Variants in SERGEF observed in about 807,000 individuals in gnomAD.
The protein encoded by SERGEF is secretion regulating guanine nucleotide exchange factor, also known as secretion-regulating guanine nucleotide exchange factor.
Under a neutral mutation model 50.0 loss-of-function variants are expected in SERGEF, and 51 were observed. The observed-to-expected ratio is 1.02, with a 90% confidence interval of 0.81 to 1.29. The LOEUF (loss-of-function observed/expected upper bound fraction) is 1.29. Ranked by LOEUF, SERGEF falls within the 50% of genes most tolerant of loss-of-function variation. The pLI, the probability that SERGEF is intolerant of heterozygous loss-of-function variation, is 0.00. For missense variants in SERGEF, 521 were observed against 557.0 expected (o/e 0.94, Z 0.65); for synonymous variants, 205 against 212.4 (o/e 0.97, Z 0.30).
At position 17,863,897 on chromosome 11, in the gene SERGEF, T is replaced by C. The variant is rs537409627; in HGVS notation, c.1048+14311A>G. Among the ~76,000 whole-genome samples the C allele has an allele frequency of 7.2e-5, 11 of 152,374 alleles. No individual in the cohort carries two copies. In the East Asian group the frequency reaches 2.1e-3, roughly 29 times the overall value. On this transcript the variant is annotated intron_variant, in intron 10 of 10. Transcript: ENST00000265965. ...TAGATGGTCTGAGTCTATGAAGATG[T>C]TAAACACAGTTTGTGGACATGAAGA...
intron 9 of SERGEF, among the ~76,000 whole-genome samples, chr11:17,934,293 C>T (rs574233026): frequency 1.4e-4 from 22 of 152,230 alleles, no homozygotes; most frequent in African/African-American, 4.8e-4. Context: ...CTTGCAATCG[C>T]TCTCAATTAT....
At chr11:17,986,455 C>CA (rs1342551777) in intron 8 of SERGEF, among the ~76,000 whole-genome samples, 1 of 152,064 alleles carries the variant, frequency 6.6e-6, no homozygotes, top group Non-Finnish European at 1.5e-5. Flanking sequence ...GAAACGTTAC[C>CA]AAAAAATCAT....
At chr11:17,866,252 G>A (rs1851020680) in intron 10 of SERGEF, among the ~76,000 whole-genome samples, 1 of 152,136 alleles carries the variant, frequency 6.6e-6, no homozygotes. Flanking sequence ...ATGCCTTACG[G>A]CTGCTCTGGT....
chr11:17,907,149 G>A (rs1851861665), intron 9 of SERGEF, among the ~76,000 whole-genome samples: 1 of 124,188 alleles, frequency 8.1e-6, no homozygotes, highest in Non-Finnish European at 1.6e-5. Flanking sequence ...CTGTCAAACT[G>A]TCAAACTTAT....
chr11:17,857,976 C>A (rs1850854911), intron 10 of SERGEF, among the ~76,000 whole-genome samples: 1 of 152,062 alleles, frequency 6.6e-6, no homozygotes, highest in Non-Finnish European at 1.5e-5. Context: ...CAGATGAATA[C>A]CACAGATGAA....
chr11:17,889,282 A>G (rs1851488810), intron 9 of SERGEF, among the ~76,000 whole-genome samples: 1 of 152,218 alleles, frequency 6.6e-6, no homozygotes, highest in African/African-American at 2.4e-5. Flanking sequence ...GCCTTATAGC[A>G]GAGAAAGGAG....
intron 4 of SERGEF, chr11:18,000,769 T>C (rs762993537): frequency 2.9e-6 from 2 of 679,578 alleles, no homozygotes; most frequent in Non-Finnish European, 5.5e-6. Flanking sequence ...CACAATACCA[T>C]ATGACAACAA....
chr11:17,854,042 G>C (rs1407950723), intron 10 of SERGEF: 2 of 132,630 alleles, frequency 1.5e-5, no homozygotes, highest in African/African-American at 5.6e-5. Flanking sequence ...AAAAAAAAAA[G>C]GACCAGGAAA....
intron 10 of SERGEF, among the ~76,000 whole-genome samples, chr11:17,830,672 G>GAGAGAGAGAGAGAGAGAGAC (rs1850288906): frequency 6.9e-6 from 1 of 144,884 alleles, no homozygotes; most frequent in African/African-American, 2.6e-5. Context: ...GAGAGAGAGA[G>GAGAGAGAGAGAGAGAGAGAC]AGAGAGAGAG....
Position 17,901,435 on chromosome 11 carries a change from C to T in SERGEF, c.1012-23191G>A, listed in dbSNP as rs754256573. Among the ~76,000 whole-genome samples the T allele has an allele frequency of 6.6e-5, 10 of 152,212 alleles. No individual in the cohort carries two copies. The South Asian group carries it at 8.3e-4, about 13-fold the overall frequency. ...ACAAACCACGAATCCTTTAGCTAGA[C>T]GTTTAAGTGTTCATCAATGAACAGG... On this transcript the variant is annotated intron_variant, in intron 9 of 10. Coordinates refer to ENST00000265965, the MANE Select transcript of SERGEF (RefSeq NM_012139.4).
chr11:18,011,942 T>C (rs1238138107), intron 1 of SERGEF, among the ~76,000 whole-genome samples: 1 of 152,186 alleles, frequency 6.6e-6, no homozygotes, highest in Non-Finnish European at 1.5e-5. Flanking sequence ...TCTTTAAAAA[T>C]TGGACAACTA....
chr11:17,795,254 G>A (rs1390093605), intron 10 of SERGEF, among the ~76,000 whole-genome samples: 5 of 152,170 alleles, frequency 3.3e-5, no homozygotes, highest in African/African-American at 1.2e-4. Context: ...AGCCACCCAA[G>A]CTCATAGGGA....
At chr11:17,880,280 A>G (rs1851312709) in intron 9 of SERGEF, among the ~76,000 whole-genome samples, 1 of 152,300 alleles carries the variant, frequency 6.6e-6, no homozygotes, top group East Asian at 1.9e-4. Context: ...TCAGGACCAT[A>G]TATGCAGCAC....
intron 9 of SERGEF, among the ~76,000 whole-genome samples, chr11:17,896,507 G>T (rs1003678118): frequency 2.7e-5 from 4 of 148,258 alleles, no homozygotes; most frequent in Non-Finnish European, 4.4e-5. Flanking sequence ...GGAAAAAAAT[G>T]AGTGTTTTCA....
intron 8 of SERGEF, among the ~76,000 whole-genome samples, chr11:17,979,410 A>C (rs1221463861): frequency 6.6e-6 from 1 of 152,204 alleles, no homozygotes; most frequent in African/African-American, 2.4e-5. Flanking sequence ...AGGGTCTTCC[A>C]TAAACCAGGC....
intron 9 of SERGEF, among the ~76,000 whole-genome samples, chr11:17,955,503 C>G (rs2133967763): frequency 6.6e-6 from 1 of 152,292 alleles, no homozygotes; most frequent in Non-Finnish European, 1.5e-5. Context: ...GGACAGCACA[C>G]AAACAGCCAG....
intron 4 of SERGEF, 87 bp downstream of exon 4, chr11:18,004,354 A>T (rs1421612963): frequency 2.1e-6 from 2 of 947,166 alleles, no homozygotes; most frequent in East Asian, 5.4e-5. Context: ...AGGGATCCTG[A>T]CAGCCTTTTA....
intron 9 of SERGEF, among the ~76,000 whole-genome samples, chr11:17,891,841 A>T (rs1381416394): frequency 6.6e-6 from 1 of 152,194 alleles, no homozygotes; most frequent in Admixed American, 6.5e-5. Flanking sequence ...CTAATTATTA[A>T]AATCCTTTTG....
At chr11:17,881,908 T>C (rs1257131834) in intron 9 of SERGEF, among the ~76,000 whole-genome samples, 1 of 152,182 alleles carries the variant, frequency 6.6e-6, no homozygotes, top group Non-Finnish European at 1.5e-5. Context: ...TAAAACATCT[T>C]ACAAGGCCCT....
Sources: gnomAD v4.1 joint callset for allele counts (sites outside exome capture counted in the v4.1 genomes callset) on GRCh38, gnomAD v4.1.1 for gene constraint, MANE v1.5 for transcripts, NCBI Gene and HGNC (gene_info 2026-07-23, HGNC 2026-07-21) for gene names.